COG6: variants seen among roughly 807,000 people sequenced by gnomAD.
COG6 encodes component of oligomeric golgi complex 6.
COG6 carries 74 observed loss-of-function variants against 88.8 expected under a neutral mutation model. The observed-to-expected ratio is 0.83, with a 90% CI of 0.69 to 1.01. The LOEUF (loss-of-function observed/expected upper bound fraction) is 1.01, where lower values mean the gene tolerates loss of function less well. COG6 is among the 50% of genes least tolerant of loss of function. COG6 has a pLI of 0.00. For synonymous variants in COG6, 286 were observed against 278.7 expected (o/e 1.03, Z -0.26); for missense variants, 800 against 797.9 (o/e 1.00, Z -0.03).
chr13:39,682,647 G>A (rs1329735892), intron 8 of COG6, among the ~76,000 whole-genome samples: 4 of 151,996 alleles, frequency 2.6e-5, no homozygotes, highest in Non-Finnish European at 5.9e-5. Context: ...ATGCAGAGAT[G>A]AAAAAAGAAT....
rs147845003 is a variant in COG6 at position 39,739,763 on chromosome 13, T to G, written c.1827-11183T>G. Reference sequence around the variant, plus strand: ...ATATATGCATAGTTACTGTCACATCTGTTTACCTTGGAGCTTCTAGCCATT... The same window carrying G: ...ATATATGCATAGTTACTGTCACATCGGTTTACCTTGGAGCTTCTAGCCATT... On this transcript the variant is annotated intron_variant, in intron 18 of 18. Coordinates refer to ENST00000455146, the MANE Select transcript of COG6 (RefSeq NM_020751.3). Among the ~76,000 whole-genome samples the G allele has an allele frequency of 4.8e-3, 725 of 152,300 alleles. 3 individuals carry two copies. Among genetic ancestry groups the G allele is most frequent in the Non-Finnish European group, 5.7e-3 (386 of 67,988 alleles).
In COG6 at chr13:39,677,443, T is replaced by C. The variant is rs1876038772; in HGVS notation, c.429-25T>C. On this transcript the variant is annotated intron_variant, in intron 4 of 18. Transcript: ENST00000455146. ...TGCAACTGTGTAAGATGCTTGATTT[T>C]TATTGCTTGTTTTGAAAATTACAGC... 4 of 1,332,714 alleles carry C rather than the reference T, an allele frequency of 3.0e-6. No homozygotes were observed. In the East Asian group the frequency reaches 9.2e-5, roughly 31 times the overall value. 82.6% of individuals were successfully genotyped at this position (1,332,714 alleles called of 1,614,324 possible). A position where few individuals can be genotyped will look rare whatever the true frequency, so the allele number is the denominator to read the frequency against.
At chr13:39,721,693 A>G (rs922827020) in intron 15 of COG6, among the ~76,000 whole-genome samples, 8 of 152,120 alleles carry the variant, frequency 5.3e-5, no homozygotes, top group African/African-American at 1.9e-4. Flanking sequence ...CGTTTCTCCA[A>G]AGTAACAATT....
intron 18 of COG6, among the ~76,000 whole-genome samples, chr13:39,786,985 C>T (rs1283303057): frequency 6.6e-6 from 1 of 152,048 alleles, no homozygotes; most frequent in Non-Finnish European, 1.5e-5. Context: ...CATTATGAGC[C>T]CCAAGAGATT....
intron 4 of COG6, among the ~76,000 whole-genome samples, chr13:39,667,348 T>C (rs2137961097): frequency 6.6e-6 from 1 of 152,344 alleles, no homozygotes; most frequent in South Asian, 2.1e-4. Context: ...AATCCACTTT[T>C]ACCCGTTGTG....
In COG6 at chr13:39,727,476, T is replaced by A. The variant is rs756449420; in HGVS notation, c.1754T>A (p.Phe585Tyr). The part of the protein sequence containing the change: ...SVTLKAAMVQ[F>Y]DRYLSAPDNL... ...TTTCTCTGTTTCATTTAGGTTCAGT[T>A]TGATCGTTATCTGTCAGCCCCAGAC... Residue 585 changes from phenylalanine to tyrosine, a missense_variant, in exon 18 of 19, where the codon TTT (phenylalanine) becomes TAT (tyrosine). By Grantham distance (22) the Phe-to-Tyr change is conservative. Coordinates refer to ENST00000455146, the MANE Select transcript of COG6 (RefSeq NM_020751.3). 3 of 1,612,006 alleles carry A rather than the reference T, an allele frequency of 1.9e-6. No homozygotes were observed. The East Asian group carries it at 6.7e-5, about 36-fold the overall frequency.
chr13:39,655,940 C>G (rs1357614781), intron 1 of COG6, 61 bp downstream of exon 1: 2 of 1,555,726 alleles, frequency 1.3e-6, no homozygotes, highest in African/African-American at 2.7e-5. Flanking sequence ...GGGCCAGGGG[C>G]GGCGTCTGTC....
chr13:39,720,455 A>G (rs1279052874), intron 15 of COG6, among the ~76,000 whole-genome samples: 1 of 152,124 alleles, frequency 6.6e-6, no homozygotes, highest in Non-Finnish European at 1.5e-5. Flanking sequence ...AACAACTCTG[A>G]ATGTTCTGTG....
chr13:39,719,668 A>C lies in COG6; in HGVS notation c.1425A>C (p.Ser475=), dbSNP rs144521736. Residue 475 remains serine (S), a synonymous_variant, in exon 15 of 19, where the codon TCA becomes TCC. Coordinates refer to ENST00000455146, the MANE Select transcript of COG6 (RefSeq NM_020751.3). Reference sequence around the variant, plus strand: ...TTATTTTTCATTTGTAGGTTTTATCATGTGTCTTGGATCCTCTCCTACAGA... The same window carrying C: ...TTATTTTTCATTTGTAGGTTTTATCCTGTGTCTTGGATCCTCTCCTACAGA... The part of the protein sequence containing the change: ...ARQADFVQVL[S]CVLDPLLQMC... 6.2e-7 allele frequency: 1 copy of C among 1,612,060 alleles called. No homozygotes were observed. Among genetic ancestry groups the C allele is most frequent in the Non-Finnish European group, 8.5e-7 (1 of 1,178,490 alleles).
chr13:39,746,212 C>A (rs1315751857), intron 18 of COG6, among the ~76,000 whole-genome samples: 1 of 151,258 alleles, frequency 6.6e-6, no homozygotes, highest in African/African-American at 2.4e-5. Flanking sequence ...TGCACATGTA[C>A]CCTAGAACTT....
At chr13:39,700,701 T>C (rs1439316054) in intron 13 of COG6, among the ~76,000 whole-genome samples, 3 of 151,910 alleles carry the variant, frequency 2.0e-5, no homozygotes, top group African/African-American at 4.8e-5. Context: ...TAAGGTTGCT[T>C]TTCCTTTAGT....
intron 13 of COG6, among the ~76,000 whole-genome samples, chr13:39,716,133 A>G (rs1878518113): frequency 6.6e-6 from 1 of 151,936 alleles, no homozygotes; most frequent in Non-Finnish European, 1.5e-5. Flanking sequence ...TTTTCCTTCA[A>G]TTTTGTAAGT....
chr13:39,707,111 G>A (rs1459545207), intron 13 of COG6, among the ~76,000 whole-genome samples: 1 of 151,268 alleles, frequency 6.6e-6, no homozygotes, highest in Non-Finnish European at 1.5e-5. Context: ...ATATAAAGAA[G>A]AAGAAGAACA....
intron 18 of COG6, among the ~76,000 whole-genome samples, chr13:39,782,556 G>A (rs950983015): frequency 2.0e-5 from 3 of 152,136 alleles, no homozygotes; most frequent in Non-Finnish European, 4.4e-5. Flanking sequence ...ACCAGAAATG[G>A]GTTTTGATGA....
At chr13:39,694,609 A>G (rs778112038) in intron 11 of COG6, 25 bp from the exon 12 acceptor site, 2 of 1,372,252 alleles carry the variant, frequency 1.5e-6, no homozygotes, top group Non-Finnish European at 2.1e-6. Flanking sequence ...AGAAATGTTT[A>G]CTTTCCTCTC....
intron 13 of COG6, among the ~76,000 whole-genome samples, chr13:39,716,744 A>G (rs942518997): frequency 6.6e-6 from 1 of 152,172 alleles, no homozygotes; most frequent in Admixed American, 6.6e-5. Flanking sequence ...TTTGAATAGT[A>G]TACAAAAACT....
chr13:39,663,271 T>A (rs192051288), intron 3 of COG6, among the ~76,000 whole-genome samples: 1 of 152,246 alleles, frequency 6.6e-6, no homozygotes, highest in African/African-American at 2.4e-5. Flanking sequence ...CAAATTCTTA[T>A]TATATAACAT....
intron 13 of COG6, among the ~76,000 whole-genome samples, chr13:39,714,094 C>T (rs1878391291): frequency 6.6e-6 from 1 of 152,138 alleles, no homozygotes; most frequent in Non-Finnish European, 1.5e-5. Flanking sequence ...TAAATTTAAA[C>T]TCCTTAAAGA....
chr13:39,714,819 G>GT (rs1267503126), intron 13 of COG6, among the ~76,000 whole-genome samples: 1 of 152,146 alleles, frequency 6.6e-6, no homozygotes, highest in Non-Finnish European at 1.5e-5. Context: ...TTGCACACAT[G>GT]TGTTTATTGC....
Sources: allele counts gnomAD v4.1 joint callset (sites outside exome capture counted in the v4.1 genomes callset), GRCh38; gene constraint gnomAD v4.1.1; transcripts MANE v1.5; gene names NCBI Gene and HGNC (gene_info 2026-07-23, HGNC 2026-07-21).